Variants in DMD observed in about 807,000 individuals in gnomAD.
The protein encoded by DMD is dystrophin.
In DMD, 63 loss-of-function variants were observed where a neutral mutation model predicts 330.1. The observed-to-expected ratio is 0.19, with a 90% CI of 0.16 to 0.24. DMD has a LOEUF of 0.24. Ranked by LOEUF, DMD falls within the 10% of genes least tolerant of loss-of-function variation. The pLI, the probability that DMD is intolerant of heterozygous loss-of-function variation, is 1.00. For synonymous variants in DMD, 1,223 were observed against 959.8 expected (o/e 1.27, Z -5.07); for missense variants, 3,344 against 2,684.1 (o/e 1.25, Z -5.43).
intron 16 of DMD, among the ~76,000 whole-genome samples, chrX:32,545,547 C>A (rs2048885712): frequency 9.0e-6 from 1 of 111,607 alleles, no homozygotes; most frequent in Non-Finnish European, 1.9e-5. Flanking sequence ...ATCTCAACAT[C>A]GAAAGTCAAT....
At chrX:32,863,926 T>C (rs753259810) in intron 2 of DMD, among the ~76,000 whole-genome samples, 4 of 111,743 alleles carry the variant, frequency 3.6e-5, no homozygotes, top group South Asian at 3.7e-4. Flanking sequence ...CTACAGGAAG[T>C]TCCAAATCAA....
chrX:31,832,949 C>T (rs928994836), intron 49 of DMD, among the ~76,000 whole-genome samples: 1 of 111,251 alleles, frequency 9.0e-6, no homozygotes, highest in African/African-American at 3.3e-5. Context: ...GTTAAAAATA[C>T]AATTTTATAA....
chrX:32,614,635 C>T (rs1339364114), intron 11 of DMD, among the ~76,000 whole-genome samples, 182 bp from the exon 12 acceptor site: 1 of 111,302 alleles, frequency 9.0e-6, no homozygotes, highest in Admixed American at 9.6e-5. Flanking sequence ...ATTTCTCAGA[C>T]TTATAATAGT....
chrX:31,153,467 C>CT (rs201174679), intron 74 of DMD, among the ~76,000 whole-genome samples: 9,515 of 104,629 alleles, frequency 0.091, 750 homozygotes, highest in African/African-American at 0.23. Context: ...GCCCCACTTA[C>CT]TTTTTTTTTT....
At chrX:32,724,848 T>A (rs1003610349) in intron 7 of DMD, among the ~76,000 whole-genome samples, 1 of 112,103 alleles carries the variant, frequency 8.9e-6, no homozygotes, top group Non-Finnish European at 1.9e-5. Flanking sequence ...GATTAAAAAA[T>A]GTTTATCATA....
At chrX:31,208,784 A>G (rs1342300853) in intron 65 of DMD, among the ~76,000 whole-genome samples, 1 of 110,621 alleles carries the variant, frequency 9.0e-6, no homozygotes, top group East Asian at 2.8e-4. Context: ...GAGATCTAAG[A>G]AGAATTTAGG....
At chrX:32,471,532 AACT>A (rs1335415824) in intron 22 of DMD, among the ~76,000 whole-genome samples, 1 of 112,235 alleles carries the variant, frequency 8.9e-6, no homozygotes, top group Non-Finnish European at 1.9e-5. Context: ...TGACAAAAAT[AACT>A]ACATCTGTAC....
At chrX:32,387,261 C>T (rs752751791) in intron 32 of DMD, among the ~76,000 whole-genome samples, 1 of 110,977 alleles carries the variant, frequency 9.0e-6, no homozygotes, top group African/African-American at 3.3e-5. Flanking sequence ...AACACCACTC[C>T]AACACCACTT....
At chrX:31,598,483 A>G (rs2077208894) in intron 55 of DMD, among the ~76,000 whole-genome samples, 1 of 111,607 alleles carries the variant, frequency 9.0e-6, no homozygotes, top group South Asian at 3.7e-4. Context: ...TTGCTTTTCA[A>G]TTGCTTGCTC....
At chrX:31,692,711 T>C (rs951859462) in intron 52 of DMD, among the ~76,000 whole-genome samples, 15 of 111,401 alleles carry the variant, frequency 1.3e-4, no homozygotes, top group African/African-American at 4.6e-4. Context: ...CAAAACTGAA[T>C]AATGAAAATT....
intron 2 of DMD, among the ~76,000 whole-genome samples, chrX:32,950,157 C>A (rs2091157521): frequency 9.1e-6 from 1 of 109,939 alleles, no homozygotes; most frequent in African/African-American, 3.3e-5. Flanking sequence ...TAAGTAGGGT[C>A]CAAAAACAAA....
chrX:33,196,177 T>C (rs777881823), intron 1 of DMD, among the ~76,000 whole-genome samples: 4 of 111,551 alleles, frequency 3.6e-5, no homozygotes, highest in Non-Finnish European at 5.7e-5. Context: ...GTGATAGTGG[T>C]TTTTGGGAGA....
chrX:32,528,295 C>T (rs938156704), intron 17 of DMD, among the ~76,000 whole-genome samples: 5 of 109,649 alleles, frequency 4.6e-5, no homozygotes, highest in African/African-American at 1.7e-4. Context: ...GGCAACAGAA[C>T]GAGACTCAGT....
chrX:31,844,787 T>C (rs1460464833), intron 48 of DMD, among the ~76,000 whole-genome samples: 1 of 111,506 alleles, frequency 9.0e-6, no homozygotes, highest in African/African-American at 3.3e-5. Flanking sequence ...TTTGTGGTTA[T>C]TGTAAATAGT....
At chrX:31,568,774 A>G (rs968422853) in intron 55 of DMD, among the ~76,000 whole-genome samples, 3 of 111,482 alleles carry the variant, frequency 2.7e-5, no homozygotes, top group Non-Finnish European at 5.7e-5. Context: ...TGGATATATT[A>G]GGGCTTCAAT....
intron 44 of DMD, among the ~76,000 whole-genome samples, chrX:32,187,478 C>A (rs2096952805): frequency 9.0e-6 from 1 of 111,586 alleles, no homozygotes; most frequent in Non-Finnish European, 1.9e-5. Context: ...GCTGGGAAAA[C>A]TTTCTTTATG....
intron 52 of DMD, among the ~76,000 whole-genome samples, chrX:31,716,227 T>C (rs976060560): frequency 1.8e-5 from 2 of 112,110 alleles, no homozygotes; most frequent in Non-Finnish European, 3.8e-5. Context: ...TCTCCCACTT[T>C]TCCTACTCGA....
At chrX:31,522,359 C>A (rs778960110) in intron 55 of DMD, among the ~76,000 whole-genome samples, 2,527 of 53,207 alleles carry the variant, frequency 0.047, 70 homozygotes, top group African/African-American at 0.064. Context: ...CTCTCTCTCT[C>A]TCTCTATATA....
intron 9 of DMD, among the ~76,000 whole-genome samples, chrX:32,686,579 A>G (rs914221294): frequency 9.5e-6 from 1 of 104,731 alleles, no homozygotes; most frequent in South Asian, 4.1e-4. Context: ...AAAAAAAAAA[A>G]AAAGAAAAGA....
Sources: gnomAD v4.1 joint callset for allele counts (sites outside exome capture counted in the v4.1 genomes callset) on GRCh38, gnomAD v4.1.1 for gene constraint, MANE v1.5 for transcripts, NCBI Gene and HGNC (gene_info 2026-07-23, HGNC 2026-07-21) for gene names.